TMCC1: variants seen among roughly 807,000 people sequenced by gnomAD.
TMCC1 encodes the protein transmembrane and coiled-coil domains protein 1.
Under a neutral mutation model 52.4 loss-of-function variants are expected in TMCC1, and 15 were observed. The ratio of observed to expected loss-of-function variants is 0.29; its 90% CI spans 0.19 to 0.44. TMCC1 has a LOEUF of 0.44. Among genes scored for constraint, TMCC1 ranks in the 20% least tolerant of loss-of-function variants. TMCC1 has a pLI of 1.00. For synonymous variants in TMCC1, 279 were observed against 301.9 expected (o/e 0.92, Z 0.79); for missense variants, 503 against 806.0 (o/e 0.62, Z 4.55).
At chr3:129,725,405 G>A (rs564300776) in intron 4 of TMCC1, among the ~76,000 whole-genome samples, 26 of 151,998 alleles carry the variant, frequency 1.7e-4, no homozygotes, top group African/African-American at 4.6e-4. Flanking sequence ...CACTGTGCGC[G>A]GCCTAATCGT....
rs185252622 is a variant in TMCC1, at chr3:129,727,369, C to A, written c.577-56105G>T. Among the ~76,000 whole-genome samples the A allele has an allele frequency of 7.5e-3, 1,145 of 152,074 alleles. 6 individuals are homozygous for A. The highest frequency in any genetic ancestry group is 0.011 in the Non-Finnish European group (748 of 67,986). On this transcript the variant is annotated intron_variant, in intron 4 of 6. Transcript: ENST00000393238. ...TAGTGCTATGTGAGGTTTTTTGGAA[C>A]CTTACTGAGGATCAATAAATGGTAG...
At chr3:129,774,548 AG>A (rs1361705373) in intron 4 of TMCC1, among the ~76,000 whole-genome samples, 2 of 152,238 alleles carry the variant, frequency 1.3e-5, no homozygotes, top group Non-Finnish European at 2.9e-5. Flanking sequence ...ACAGTGAGAC[AG>A]TATCATGGTT....
intron 4 of TMCC1, among the ~76,000 whole-genome samples, chr3:129,733,844 T>C (rs917470165): frequency 2.6e-5 from 4 of 152,036 alleles, no homozygotes; most frequent in African/African-American, 9.7e-5. Flanking sequence ...CATAAACAAA[T>C]CACTACACAG....
chr3:129,685,887 C>T (rs1409724500), intron 4 of TMCC1, among the ~76,000 whole-genome samples: 1 of 152,212 alleles, frequency 6.6e-6, no homozygotes, highest in Non-Finnish European at 1.5e-5. Flanking sequence ...CAAGCCAAAA[C>T]CAAACCAAAT....
chr3:129,814,873 T>C (rs1372689002), intron 4 of TMCC1, among the ~76,000 whole-genome samples: 1 of 152,122 alleles, frequency 6.6e-6, no homozygotes, highest in Non-Finnish European at 1.5e-5. Context: ...AGTATCTATG[T>C]ACCCAACATC....
chr3:129,652,534 T>C (rs1327648631), intron 6 of TMCC1, among the ~76,000 whole-genome samples: 1 of 152,156 alleles, frequency 6.6e-6, no homozygotes, highest in Admixed American at 6.5e-5. Flanking sequence ...GACATCAAAT[T>C]ATAAACAAGA....
chr3:129,749,712 T>G (rs529213259), intron 4 of TMCC1, among the ~76,000 whole-genome samples: 6 of 152,308 alleles, frequency 3.9e-5, no homozygotes, highest in Non-Finnish European at 7.4e-5. Flanking sequence ...AAGGGAATAT[T>G]TAATATGCAG....
At chr3:129,865,949 G>C (rs766025253) in intron 2 of TMCC1, among the ~76,000 whole-genome samples, 1 of 152,152 alleles carries the variant, frequency 6.6e-6, no homozygotes, top group African/African-American at 2.4e-5. Context: ...GTAGGGAAGT[G>C]CAAGCTGAAT....
At chr3:129,669,215 T>C (rs2087713456) in intron 5 of TMCC1, among the ~76,000 whole-genome samples, 2 of 152,184 alleles carry the variant, frequency 1.3e-5, no homozygotes. Flanking sequence ...TAAAAACACA[T>C]TTTTAAAAGG....
At chr3:129,657,536 C>T (rs556102238) in intron 5 of TMCC1, among the ~76,000 whole-genome samples, 2 of 152,348 alleles carry the variant, frequency 1.3e-5, no homozygotes, top group East Asian at 3.9e-4. Flanking sequence ...AGTTCTTAAA[C>T]TTTACAATGT....
At chr3:129,747,202 TA>T (rs887314138) in intron 4 of TMCC1, among the ~76,000 whole-genome samples, 9 of 151,906 alleles carry the variant, frequency 5.9e-5, no homozygotes, top group Non-Finnish European at 1.0e-4. Context: ...TACATATATA[TA>T]AAAAAAAGTT....
intron 4 of TMCC1, among the ~76,000 whole-genome samples, chr3:129,778,649 C>T (rs941723644): frequency 2.8e-5 from 4 of 143,460 alleles, no homozygotes; most frequent in Admixed American, 7.3e-5. Flanking sequence ...GGGGAGGGAC[C>T]TCATGGAAGG....
intron 4 of TMCC1, among the ~76,000 whole-genome samples, chr3:129,697,844 C>T (rs147330831): frequency 9.8e-5 from 15 of 152,300 alleles, no homozygotes; most frequent in South Asian, 6.2e-4. Context: ...CTGAGACCAT[C>T]GCAGCCCGGA....
chr3:129,676,772 C>T (rs576702422), intron 4 of TMCC1, among the ~76,000 whole-genome samples: 2 of 152,268 alleles, frequency 1.3e-5, no homozygotes, highest in South Asian at 4.1e-4. Context: ...CCTACTTGTT[C>T]TCTTTCAACC....
At chr3:129,762,805 A>G (rs1030764479) in intron 4 of TMCC1, among the ~76,000 whole-genome samples, 1 of 152,068 alleles carries the variant, frequency 6.6e-6, no homozygotes, top group Non-Finnish European at 1.5e-5. Flanking sequence ...AAATATAAAT[A>G]TATTAGAAAT....
At chr3:129,787,137 A>C (rs2056095313) in intron 4 of TMCC1, among the ~76,000 whole-genome samples, 1 of 152,302 alleles carries the variant, frequency 6.6e-6, no homozygotes, top group East Asian at 1.9e-4. Flanking sequence ...TTATATCACA[A>C]AGGGATATTA....
chr3:129,842,407 A>G (rs1457730876), intron 2 of TMCC1, among the ~76,000 whole-genome samples: 2 of 152,064 alleles, frequency 1.3e-5, no homozygotes, highest in South Asian at 4.1e-4. Flanking sequence ...TAGAAGTTGC[A>G]GTGAGCAGAG....
chr3:129,783,503 C>G (rs773612276), intron 4 of TMCC1, among the ~76,000 whole-genome samples: 4 of 151,244 alleles, frequency 2.6e-5, no homozygotes, highest in Non-Finnish European at 5.9e-5. Flanking sequence ...CACCTCCTGA[C>G]AAAGACTTTC....
intron 2 of TMCC1, among the ~76,000 whole-genome samples, chr3:129,868,786 T>C (rs2060778329): frequency 6.6e-6 from 1 of 152,172 alleles, no homozygotes; most frequent in African/African-American, 2.4e-5. Context: ...AAAACAAATG[T>C]TACTGACATT....
Sources: allele counts gnomAD v4.1 joint callset (sites outside exome capture counted in the v4.1 genomes callset), GRCh38; gene constraint gnomAD v4.1.1; transcripts MANE v1.5; gene names NCBI Gene and HGNC (gene_info 2026-07-23, HGNC 2026-07-21).